TOM1L2: variants seen among roughly 807,000 people sequenced by gnomAD.
TOM1L2 encodes TOM1-like protein 2.
Under a neutral mutation model 67.9 loss-of-function variants are expected in TOM1L2, and 31 were observed. The observed-to-expected ratio is 0.46, with a 90% CI of 0.34 to 0.62. TOM1L2 has a LOEUF of 0.62. Among genes scored for constraint, TOM1L2 ranks in the 20% least tolerant of loss-of-function variants. The probability of loss-of-function intolerance (pLI) is 0.01; values close to 1 mark genes in which losing one functional copy is unlikely to be tolerated. For missense variants in TOM1L2, 606 were observed against 663.5 expected (o/e 0.91, Z 0.95); for synonymous variants, 256 against 254.0 (o/e 1.01, Z -0.07).
intron 2 of TOM1L2, among the ~76,000 whole-genome samples, chr17:17,904,496 A>G (rs148129200): frequency 1.5e-3 from 232 of 152,316 alleles, no homozygotes; most frequent in African/African-American, 5.4e-3. Context: ...TGAAGAGCTC[A>G]AAGTGGAGCT....
At chr17:17,911,337 T>C (rs1049413388) in intron 1 of TOM1L2, among the ~76,000 whole-genome samples, 2 of 152,216 alleles carry the variant, frequency 1.3e-5, no homozygotes, top group African/African-American at 4.8e-5. Context: ...TGGCCTACCC[T>C]ACCCAGCCTC....
At chr17:17,847,926 G>C in intron 14 of TOM1L2, 143 bp from the exon 15 acceptor site, 2 of 1,050,620 alleles carry the variant, frequency 1.9e-6, no homozygotes, top group African/African-American at 1.6e-5. Flanking sequence ...AGGGGTTCGT[G>C]AGCTGCAGTG....
intron 1 of TOM1L2, among the ~76,000 whole-genome samples, chr17:17,924,728 G>A (rs960054201): frequency 6.6e-6 from 1 of 152,152 alleles, no homozygotes; most frequent in Non-Finnish European, 1.5e-5. Flanking sequence ...TCACATCACT[G>A]CACTCCAGCC....
At chr17:17,955,380 C>T (rs2041394086) in intron 1 of TOM1L2, among the ~76,000 whole-genome samples, 1 of 146,380 alleles carries the variant, frequency 6.8e-6, no homozygotes, top group African/African-American at 2.6e-5. Flanking sequence ...TGCTCTGTCG[C>T]CAGGCTGGAG....
intron 4 of TOM1L2, among the ~76,000 whole-genome samples, chr17:17,892,637 C>CA (rs2038350019): frequency 1.3e-5 from 2 of 150,808 alleles, no homozygotes; most frequent in Non-Finnish European, 3.0e-5. Flanking sequence ...CTGCCCCCAA[C>CA]ATTCTTCATT....
rs536214524 is a variant in TOM1L2 at position 17,891,832 on chromosome 17, A to G, written c.366+1829T>C. 5.7e-4 allele frequency among the ~76,000 whole-genome samples: 86 copies of G among 150,368 alleles called. 1 individual carries two copies. The highest frequency in any genetic ancestry group is 3.3e-3 in the South Asian group (16 of 4,782). On this transcript the variant is annotated intron_variant, in intron 4 of 14. Coordinates refer to ENST00000379504, the MANE Select transcript of TOM1L2 (RefSeq NM_001082968.2). ...GTGTGTGTGTGTGTCAGAGGGAGAC[A>G]GAGAGACAGAAGGATATTGGGTGGG...
intron 7 of TOM1L2, 192 bp from the exon 8 acceptor site, chr17:17,869,665 CA>C: frequency 7.3e-7 from 1 of 1,378,752 alleles, no homozygotes; most frequent in Non-Finnish European, 9.4e-7. Flanking sequence ...GCAGAGGAAA[CA>C]AGTACTTTTT....
chr17:17,900,197 G>T (rs903964846), intron 2 of TOM1L2, among the ~76,000 whole-genome samples: 1 of 149,004 alleles, frequency 6.7e-6, no homozygotes, highest in Non-Finnish European at 1.5e-5. Context: ...TGGGCGACAA[G>T]AGTGAAACTT....
chr17:17,914,663 T>C (rs2039553353), intron 1 of TOM1L2, among the ~76,000 whole-genome samples: 1 of 152,174 alleles, frequency 6.6e-6, no homozygotes, highest in Non-Finnish European at 1.5e-5. Flanking sequence ...GGACTGACTT[T>C]GGTTAAGATT....
intron 12 of TOM1L2, chr17:17,857,848 A>G: frequency 6.5e-7 from 1 of 1,535,720 alleles, no homozygotes; most frequent in Non-Finnish European, 8.7e-7. Flanking sequence ...GGCCGAGGAC[A>G]GAAAAGTCTC....
At chr17:17,896,128 A>T (rs1446993388) in intron 3 of TOM1L2, among the ~76,000 whole-genome samples, 1 of 151,220 alleles carries the variant, frequency 6.6e-6, no homozygotes, top group Admixed American at 6.6e-5. Flanking sequence ...ATTGGCATTC[A>T]CTCTCTTGTA....
intron 1 of TOM1L2, among the ~76,000 whole-genome samples, chr17:17,963,503 C>G (rs1259036981): frequency 6.6e-6 from 1 of 152,212 alleles, no homozygotes; most frequent in Non-Finnish European, 1.5e-5. Flanking sequence ...GGGCAAGTTT[C>G]TGAACCCCTT....
chr17:17,962,885 T>C (rs1485392157), intron 1 of TOM1L2, among the ~76,000 whole-genome samples: 8 of 150,882 alleles, frequency 5.3e-5, no homozygotes, highest in Non-Finnish European at 1.0e-4. Context: ...CGCTTGAACC[T>C]GGGAGGCAGA....
In TOM1L2 at chr17:17,879,654, C is replaced by T; in HGVS notation, c.750G>A (p.Glu250=). 6.2e-7 allele frequency: 1 copy of T among 1,614,176 alleles called. No individual in the cohort carries two copies. Among genetic ancestry groups the T allele is most frequent in the Non-Finnish European group, 8.5e-7 (1 of 1,180,016 alleles). ...GCAGCAACTCCAGATCAGATGAATC[C>T]TCCTGTCCAGGGACCATTTCTGTTA... is the stretch of plus-strand genomic sequence containing the variant. The part of the protein sequence containing the change: ...EMLTEMVPGQ[E]DSSDLELLQE... The change falls in exon 7 of 15, where the codon GAG becomes GAA. Residue 250 remains glutamate (E), a synonymous_variant. Transcript: ENST00000379504.
At chr17:17,864,987 T>A (rs978361903) in intron 10 of TOM1L2, among the ~76,000 whole-genome samples, 1 of 152,184 alleles carries the variant, frequency 6.6e-6, no homozygotes, top group Non-Finnish European at 1.5e-5. Context: ...AAATATTTTT[T>A]AAAAAGGAAA....
In TOM1L2 at chr17:17,869,338, A is replaced by ACCTCT; in HGVS notation, c.908_911+1dup. 6.2e-7 allele frequency: 1 copy of ACCTCT among 1,600,578 alleles called. No homozygotes were observed. On this transcript the variant is annotated splice_donor_variant, in intron 8 of 14. Coordinates refer to ENST00000379504, the MANE Select transcript of TOM1L2 (RefSeq NM_001082968.2). LOFTEE classifies it high-confidence loss of function. ...AAAAAAAAAAAGAAATCCGGCTCCC[A>ACCTCT]CCTCTCGTATCGAAGGAAGACGTTG...
At chr17:17,913,412 C>T (rs1338736269) in intron 1 of TOM1L2, among the ~76,000 whole-genome samples, 2 of 151,996 alleles carry the variant, frequency 1.3e-5, no homozygotes, top group South Asian at 2.1e-4. Context: ...GCCATCCTGC[C>T]CCGGCTCTAA....
chr17:17,916,974 A>G (rs373277531), intron 1 of TOM1L2, among the ~76,000 whole-genome samples: 1 of 152,286 alleles, frequency 6.6e-6, no homozygotes, highest in African/African-American at 2.4e-5. Flanking sequence ...TGGCCAACCA[A>G]CATGGTGAAA....
intron 1 of TOM1L2, among the ~76,000 whole-genome samples, chr17:17,960,336 A>C (rs2041631540): frequency 6.6e-6 from 1 of 151,802 alleles, no homozygotes. Context: ...AAGGTACTTG[A>C]CTTTTTTTTT....
Sources: gnomAD v4.1 joint callset for allele counts (sites outside exome capture counted in the v4.1 genomes callset) on GRCh38, gnomAD v4.1.1 for gene constraint, MANE v1.5 for transcripts, NCBI Gene and HGNC (gene_info 2026-07-23, HGNC 2026-07-21) for gene names.